Variants in MACROD1 observed in about 807,000 individuals in gnomAD.
MACROD1 encodes mono-ADP ribosylhydrolase 1, also known as ADP-ribose glycohydrolase MACROD1.
MACROD1 carries 31 observed loss-of-function variants against 41.4 expected under a neutral mutation model. That is an observed-to-expected ratio of 0.75 (90% CI 0.56 to 1.01). The LOEUF is 1.01. Among genes scored for constraint, MACROD1 ranks in the 50% least tolerant of loss-of-function variants. MACROD1 has a pLI of 0.00. For synonymous variants in MACROD1, 252 were observed against 203.4 expected (o/e 1.24, Z -2.03); for missense variants, 473 against 460.0 (o/e 1.03, Z -0.26).
chr11:64,138,762 C>T (rs1359733686), intron 3 of MACROD1, among the ~76,000 whole-genome samples: 1 of 151,688 alleles, frequency 6.6e-6, no homozygotes, highest in African/African-American at 2.4e-5. Flanking sequence ...GTGGGTGCCA[C>T]TGATGGGGAT....
chr11:64,158,341 AG>A (rs1336009608), intron 1 of MACROD1, among the ~76,000 whole-genome samples: 2 of 152,214 alleles, frequency 1.3e-5, no homozygotes, highest in Non-Finnish European at 2.9e-5. Context: ...AGGGGTGACA[AG>A]GAAGGGGAGG....
chr11:64,110,602 G>T (rs2186643), intron 3 of MACROD1, among the ~76,000 whole-genome samples: 2 of 151,810 alleles, frequency 1.3e-5, no homozygotes, highest in African/African-American at 4.8e-5. Context: ...CCAGCTAAGC[G>T]GAGGAGTAAT....
chr11:64,158,596 C>A (rs1945705123), intron 1 of MACROD1, among the ~76,000 whole-genome samples: 1 of 152,032 alleles, frequency 6.6e-6, no homozygotes. Context: ...TGCCATTGGT[C>A]CCATTTTATG....
At chr11:64,095,062 C>T (rs919560230) in intron 3 of MACROD1, among the ~76,000 whole-genome samples, 2 of 152,176 alleles carry the variant, frequency 1.3e-5, no homozygotes, top group Non-Finnish European at 2.9e-5. Flanking sequence ...TTAAGGCAGG[C>T]TCCCAAATGA....
At chr11:64,021,827 A>G (rs1166116690) in intron 3 of MACROD1, among the ~76,000 whole-genome samples, 1 of 151,304 alleles carries the variant, frequency 6.6e-6, no homozygotes, top group Non-Finnish European at 1.5e-5. Flanking sequence ...CACGTGCATC[A>G]TCTGGCTGGG....
chr11:64,104,903 C>T (rs1035388064), intron 3 of MACROD1, among the ~76,000 whole-genome samples: 5 of 152,236 alleles, frequency 3.3e-5, no homozygotes, highest in South Asian at 2.1e-4. Context: ...GAGGCTGCAC[C>T]GCCAAAAACA....
chr11:64,101,600 T>C (rs1204440506), intron 3 of MACROD1, among the ~76,000 whole-genome samples: 2 of 152,168 alleles, frequency 1.3e-5, no homozygotes, highest in Non-Finnish European at 2.9e-5. Context: ...CTGGACTTTT[T>C]CCATCTCTCG....
chr11:64,056,083 G>A, intron 3 of MACROD1, among the ~76,000 whole-genome samples: 1 of 152,216 alleles, frequency 6.6e-6, no homozygotes, highest in East Asian at 1.9e-4. Context: ...TCAGACAGGA[G>A]GAGGAAGGGA....
intron 4 of MACROD1, among the ~76,000 whole-genome samples, chr11:64,010,725 T>TGGCCAG (rs1942998136): frequency 6.7e-6 from 1 of 148,570 alleles, no homozygotes; most frequent in African/African-American, 2.5e-5. Flanking sequence ...GTTGGGGTGT[T>TGGCCAG]GGTTGGCATG....
chr11:64,145,792 T>A (rs896818666), intron 3 of MACROD1, among the ~76,000 whole-genome samples: 1 of 151,612 alleles, frequency 6.6e-6, no homozygotes, highest in Admixed American at 6.6e-5. Context: ...AGATGGAATC[T>A]TGCTCTGTCA....
chr11:64,117,232 A>G (rs1435118171), intron 3 of MACROD1: 1 of 1,614,178 alleles, frequency 6.2e-7, no homozygotes, highest in Non-Finnish European at 8.5e-7. Flanking sequence ...AACCTGGCCC[A>G]GCTGCTGCTC....
intron 1 of MACROD1, among the ~76,000 whole-genome samples, chr11:64,160,989 T>A (rs539043528): frequency 6.6e-6 from 1 of 151,684 alleles, no homozygotes; most frequent in Non-Finnish European, 1.5e-5. Context: ...CTGGCCAACA[T>A]GGTGAAACTC....
chr11:64,160,617 C>G (rs921931397), intron 1 of MACROD1, among the ~76,000 whole-genome samples: 8 of 152,086 alleles, frequency 5.3e-5, no homozygotes, highest in African/African-American at 1.9e-4. Flanking sequence ...TCGAGACCAG[C>G]CTGGGGCAAC....
At chr11:64,162,669 T>G (rs2701532) in intron 1 of MACROD1, among the ~76,000 whole-genome samples, 145,860 of 151,586 alleles carry the variant, frequency 0.96, 70,405 homozygotes, top group Middle Eastern at 1. Flanking sequence ...CAAAAAATTA[T>G]CTGGGCATGG....
At chr11:64,161,121 G>A (rs1945747304) in intron 1 of MACROD1, among the ~76,000 whole-genome samples, 3 of 151,508 alleles carry the variant, frequency 2.0e-5, no homozygotes, top group Non-Finnish European at 1.5e-5. Flanking sequence ...CAGTTAGCCA[G>A]GATCGTGCCA....
intron 3 of MACROD1, among the ~76,000 whole-genome samples, chr11:64,053,059 G>C (rs1439061108): frequency 1.3e-5 from 2 of 152,192 alleles, no homozygotes; most frequent in African/African-American, 4.8e-5. Flanking sequence ...TGCAGCCTCC[G>C]AATGTGGGGC....
chr11:64,072,857 C>A (rs1054632773), intron 3 of MACROD1, among the ~76,000 whole-genome samples: 1 of 152,198 alleles, frequency 6.6e-6, no homozygotes, highest in Non-Finnish European at 1.5e-5. Context: ...CTGTGAACCC[C>A]GAATCCCACA....
intron 3 of MACROD1, among the ~76,000 whole-genome samples, chr11:64,031,476 C>CTTTTTTTTTTTTTTTTTTTT (rs386373983): frequency 8.7e-6 from 1 of 114,948 alleles, no homozygotes; most frequent in African/African-American, 3.5e-5. Context: ...GCCTGCCTTC[C>CTTTTTTTTTTTTTTTTTTTT]TTTTTTTTTT....
rs193127859 is a variant in MACROD1, at chr11:64,026,057, G to A, written c.518-10776C>T. Among the ~76,000 whole-genome samples, 49 of 152,152 alleles carry A rather than the reference G, an allele frequency of 3.2e-4. 1 individual carries two copies. Among genetic ancestry groups the A allele is most frequent in the Admixed American group, 2.9e-3 (45 of 15,276 alleles). On this transcript the variant is annotated intron_variant, in intron 3 of 10. Transcript: ENST00000255681. ...TCAGCTGGGCGTGGTGGTGCGCGCC[G>A]GTAATCCCAGCTACTCGGGAGGCTA... is the stretch of plus-strand genomic sequence containing the variant.
Sources: allele counts gnomAD v4.1 joint callset (sites outside exome capture counted in the v4.1 genomes callset), GRCh38; gene constraint gnomAD v4.1.1; transcripts MANE v1.5; gene names NCBI Gene and HGNC (gene_info 2026-07-23, HGNC 2026-07-21).